ZFYVE26: variants seen among roughly 807,000 people sequenced by gnomAD.
The protein encoded by ZFYVE26 is zinc finger FYVE domain-containing protein 26.
ZFYVE26 carries 181 observed loss-of-function variants against 276.5 expected under a neutral mutation model. The observed-to-expected ratio is 0.65, with a 90% CI of 0.58 to 0.74. The LOEUF is 0.74. ZFYVE26 is among the 30% of genes least tolerant of loss of function. The probability of loss-of-function intolerance (pLI) is 0.00; values close to 1 mark genes in which losing one functional copy is unlikely to be tolerated. For missense variants in ZFYVE26, 2,821 were observed against 3,097.9 expected (o/e 0.91, Z 2.12); for synonymous variants, 1,129 against 1,203.1 (o/e 0.94, Z 1.27).
intron 3 of ZFYVE26, among the ~76,000 whole-genome samples, chr14:67,813,480 GT>G (rs138548542): frequency 2.7e-5 from 4 of 148,152 alleles, no homozygotes; most frequent in South Asian, 2.2e-4. Context: ...TCCTTACCAG[GT>G]TTTTTTTTTC....
At position 67,747,694 on chromosome 14, in the gene ZFYVE26, C is replaced by A. The variant is rs548759672; in HGVS notation, c.*742G>T. 8.0e-6 allele frequency: 1 copy of A among 125,202 alleles called. No homozygotes were observed. Among genetic ancestry groups the A allele is most frequent in the East Asian group, 2.8e-4 (1 of 3,576 alleles). The allele number at this position is 125,202 out of a possible 1,614,324, so 7.8% of individuals were successfully genotyped here. On this transcript the variant is annotated 3_prime_UTR_variant, in exon 42 of 42. Transcript: ENST00000347230. Reference sequence around the variant, plus strand: ...CCTGTATCCCTGTTTGGATGGTTAGCCTTTCTTTCCCTCTTGCCCGTGTTA... The same window carrying A: ...CCTGTATCCCTGTTTGGATGGTTAGACTTTCTTTCCCTCTTGCCCGTGTTA...
At position 67,798,151 on chromosome 14, in the gene ZFYVE26, G is replaced by C; in HGVS notation, c.2111C>G (p.Pro704Arg). The C allele has an allele frequency of 6.2e-7, 1 of 1,614,038 alleles. No individual in the cohort carries two copies. Among genetic ancestry groups the C allele is most frequent in the Admixed American group, 1.7e-5 (1 of 60,022 alleles). ...EQLDEISSRS[P>R]PEKPKQESQS... ...ACTTTCTTGCTTTGGCTTCTCAGGA[G>C]GGCTGCGGCTACTGATCTCATCCAG... Residue 704 changes from proline to arginine, a missense_variant, in exon 11 of 42, where the codon CCT becomes CGT. Coordinates refer to ENST00000347230, the MANE Select transcript of ZFYVE26 (RefSeq NM_015346.4).
chr14:67,804,242 G>A lies in ZFYVE26; in HGVS notation c.1294C>T (p.Leu432=), dbSNP rs376250446. Residue 432 remains leucine, a synonymous_variant, in exon 9 of 42, where the codon CTG becomes TTG. Transcript: ENST00000347230. ...QSSNPIPKRD[L]LYHLHGGDSH... is the part of the protein sequence containing the mutation. Reference sequence around the variant, plus strand: ...TCTCCACCGTGTAAATGATACAACAGATCTCTCTTTGGTATGGGGTTGCTG... The same window carrying A: ...TCTCCACCGTGTAAATGATACAACAAATCTCTCTTTGGTATGGGGTTGCTG... 1.0e-4 allele frequency: 166 copies of A among 1,614,076 alleles called. No individual in the cohort carries two copies. Among genetic ancestry groups the A allele is most frequent in the Non-Finnish European group, 1.4e-4 (163 of 1,180,034 alleles).
chr14:67,809,454 GCT>G (rs1286808657), intron 3 of ZFYVE26, among the ~76,000 whole-genome samples, 165 bp from the exon 4 acceptor site: 3 of 124,932 alleles, frequency 2.4e-5, no homozygotes, highest in African/African-American at 9.2e-5. Flanking sequence ...ACAGAGTCTT[GCT>G]CTGTTCCCCA....
intron 28 of ZFYVE26, among the ~76,000 whole-genome samples, chr14:67,771,739 T>C (rs1423857194): frequency 6.6e-6 from 1 of 152,216 alleles, no homozygotes; most frequent in Non-Finnish European, 1.5e-5. Flanking sequence ...CCAGTCTTAC[T>C]GTCAAAGACA....
chr14:67,813,043 A>G (rs927357371), intron 3 of ZFYVE26, among the ~76,000 whole-genome samples: 5 of 152,232 alleles, frequency 3.3e-5, no homozygotes, highest in Admixed American at 3.3e-4. Context: ...CAGATTAGCA[A>G]TTTCTGTTAC....
intron 27 of ZFYVE26, 150 bp downstream of exon 27, chr14:67,774,866 T>A (rs2039298918): frequency 1.6e-6 from 1 of 641,690 alleles, no homozygotes; most frequent in Non-Finnish European, 2.7e-6. Context: ...TTGAGATATA[T>A]ATAAATCTGG....
chr14:67,813,681 T>C (rs1343462677), intron 3 of ZFYVE26, among the ~76,000 whole-genome samples: 1 of 152,212 alleles, frequency 6.6e-6, no homozygotes, highest in Non-Finnish European at 1.5e-5. Context: ...GTTGAATAGA[T>C]CCAAATGTTA....
intron 22 of ZFYVE26, 87 bp downstream of exon 22, chr14:67,781,246 C>T: frequency 6.6e-7 from 1 of 1,509,504 alleles, no homozygotes; most frequent in South Asian, 1.1e-5. Flanking sequence ...TTTTCTCTTT[C>T]TTAAAGTCCC....
chr14:67,741,937 TC>T (rs2038419156), downstream of ZFYVE26, among the ~76,000 whole-genome samples: 1 of 152,184 alleles, frequency 6.6e-6, no homozygotes, highest in South Asian at 2.1e-4. Context: ...AACCTCCTAC[TC>T]CTCCAACTTT....
downstream of ZFYVE26, among the ~76,000 whole-genome samples, chr14:67,744,684 T>C (rs1169978485): frequency 1.3e-5 from 2 of 152,188 alleles, no homozygotes; most frequent in Non-Finnish European, 2.9e-5. Context: ...TGTTCTTGTG[T>C]TAGTTTGCTG....
Position 67,802,200 on chromosome 14 carries a change from A to G in ZFYVE26, c.1518T>C (p.Tyr506=), listed in dbSNP as rs2040090737. The G allele has an allele frequency of 6.2e-7, 1 of 1,614,130 alleles. No individual in the cohort carries two copies. Among genetic ancestry groups the G allele is most frequent in the African/African-American group, 1.3e-5 (1 of 74,950 alleles). Residue 506 remains tyrosine, a synonymous_variant, in exon 10 of 42, where the codon TAT becomes TAC. Transcript: ENST00000347230. ...TLYQGFCAMK[Y]AIYALCVNSH... is the part of the protein sequence containing the mutation. ...AGTTTACACAGAGGGCATAGATGGC[A>G]TACTTCATGGCACAGAAGCCCTGGT...
At chr14:67,758,625 TTTTATTTATTTA>T (rs145025077) in intron 35 of ZFYVE26, among the ~76,000 whole-genome samples, 1 of 150,050 alleles carries the variant, frequency 6.7e-6, no homozygotes, top group Non-Finnish European at 1.5e-5. Context: ...ATAAATAGAA[TTTTATTTATTTA>T]TTTATTTATT....
At chr14:67,799,495 A>T in intron 10 of ZFYVE26, 2 of 1,606,940 alleles carry the variant, frequency 1.2e-6, no homozygotes, top group Non-Finnish European at 1.7e-6. Flanking sequence ...TTCAGAGCAG[A>T]CAAAAGGATC....
At chr14:67,797,390 T>C in intron 12 of ZFYVE26, 1 of 466,138 alleles carries the variant, frequency 2.1e-6, no homozygotes, top group South Asian at 2.2e-5. Context: ...ATAATACATC[T>C]GTATATATAA....
In ZFYVE26 at chr14:67,732,429, C is replaced by CA. The variant is rs11310522; in HGVS notation, n.2680-2611dup. ...TGGGTGATGAAGTGAGACCCTATCT[C>CA]AAAAAAAAAAAAAAAATCCTCCTCA... On this transcript the variant is annotated intron_variant and non_coding_transcript_variant, in intron 13 of 14. Transcript: ENST00000394455. Among the ~76,000 whole-genome samples, 21 of 126,486 alleles carry CA rather than the reference C, an allele frequency of 1.7e-4. 1 individual carries two copies. The highest frequency in any genetic ancestry group is 2.2e-4 in the Non-Finnish European group (13 of 60,202). The allele number at this position is 126,486 out of a possible 152,430, so 83.0% of individuals were successfully genotyped here.
chr14:67,761,608 G>A (rs749441534), intron 34 of ZFYVE26, 24 bp from the exon 35 acceptor site: 8 of 1,606,226 alleles, frequency 5.0e-6, no homozygotes, highest in Middle Eastern at 1.6e-4. Context: ...GAGCGAGAGA[G>A]AAAAATGAAA....
At chr14:67,734,456 CTTA>C (rs1223665607) in intron 13 of ZFYVE26, 1 of 154,902 alleles carries the variant, frequency 6.5e-6, no homozygotes, top group Non-Finnish European at 1.4e-5. Context: ...ATCTCATTGT[CTTA>C]TTTATTTTCT....
In ZFYVE26 at chr14:67,762,249, T is replaced by C. The variant is rs1442063236; in HGVS notation, c.6323A>G (p.Asp2108Gly). ...TGTGGACTCTAGGTACTCAACCACA[T>C]CCTGCACCAGCCTTGAGCCATGATT... ...QLNHGSRLVQ[D>G]VVEYLESTVR... Residue 2108 changes from aspartate (D) to glycine (G), a missense_variant, in exon 34 of 42, where the codon GAT (aspartate) becomes GGT (glycine). Asp to Gly is a moderately conservative substitution (Grantham distance 94). Transcript: ENST00000347230. The C allele has an allele frequency of 2.5e-6, 4 of 1,614,114 alleles. No individual in the cohort carries two copies. The South Asian group carries it at 4.4e-5, about 18-fold the overall frequency.
Sources: allele counts gnomAD v4.1 joint callset (sites outside exome capture counted in the v4.1 genomes callset), GRCh38; gene constraint gnomAD v4.1.1; transcripts MANE v1.5; gene names NCBI Gene and HGNC (gene_info 2026-07-23, HGNC 2026-07-21).